The following BAZ2B variants were observed in gnomAD, a reference collection of about 807,000 sequenced individuals.
BAZ2B encodes the protein bromodomain adjacent to zinc finger domain protein 2B.
BAZ2B carries 91 observed loss-of-function variants against 246.0 expected under a neutral mutation model. The observed-to-expected ratio is 0.37, with a 90% CI of 0.31 to 0.44. BAZ2B has a LOEUF of 0.44. Among genes scored for constraint, BAZ2B ranks in the 20% least tolerant of loss-of-function variants. The pLI is 1.00. For synonymous variants in BAZ2B, 855 were observed against 860.0 expected, an observed-to-expected ratio of 0.99 and a Z score of 0.10; for missense variants, 2,332 against 2,533.7, an observed-to-expected ratio of 0.92 and a Z score of 1.71.
At chr2:159,666,062 C>T in the BAZ2B span, among the ~76,000 whole-genome samples, 12 of 151,236 alleles carry the variant, frequency 7.9e-5, no homozygotes, top group African/African-American at 2.2e-4. Context: ...AAATGGGTCA[C>T]GTTCTTCTTG....
At chr2:159,617,829 C>T (rs1012986679), upstream of BAZ2B, among the ~76,000 whole-genome samples, 2 of 151,946 alleles carry the variant, frequency 1.3e-5, no homozygotes, top group African/African-American at 4.8e-5. Context: ...GAATGTCAGC[C>T]TTACCTCGGT....
At chr2:159,351,239 C>A (rs2058529919) in intron 27 of BAZ2B, among the ~76,000 whole-genome samples, 1 of 152,038 alleles carries the variant, frequency 6.6e-6, no homozygotes, top group African/African-American at 2.4e-5. Flanking sequence ...ACATAATATT[C>A]TAAACTGCTA....
intron 1 of BAZ2B, among the ~76,000 whole-genome samples, chr2:159,610,647 C>T (rs1230758859): frequency 6.6e-6 from 1 of 151,096 alleles, no homozygotes; most frequent in African/African-American, 2.4e-5. Context: ...ATCTATGTTG[C>T]CATCATTATT....
rs1364434621 is a variant in BAZ2B, at chr2:159,616,328, C to CA, written c.-133dup. On this transcript the variant is annotated 5_prime_UTR_variant, in exon 1 of 37. Coordinates refer to ENST00000392783, the MANE Select transcript of BAZ2B (RefSeq NM_013450.4). ...AGGTTAAGATTTTTGGAAACCCCAC[C>CA]ACCTCCTTATTTCTATTATTATTTC... 5 of 152,302 alleles carry CA rather than the reference C, an allele frequency of 3.3e-5. No homozygotes were observed. The East Asian group carries it at 9.6e-4, about 29-fold the overall frequency. 9.4% of individuals were successfully genotyped at this position (152,302 alleles called of 1,614,324 possible).
At chr2:159,385,408 C>A (rs370475822) in intron 22 of BAZ2B, 39 bp from the exon 23 acceptor site, 25 of 1,511,568 alleles carry the variant, frequency 1.7e-5, no homozygotes, top group Admixed American at 8.6e-5. Context: ...TTACTCACAA[C>A]CATTTATACC....
At chr2:159,511,547 T>C (rs2082925866) in intron 2 of BAZ2B, among the ~76,000 whole-genome samples, 1 of 152,162 alleles carries the variant, frequency 6.6e-6, no homozygotes, top group African/African-American at 2.4e-5. Context: ...ACAGATTTAG[T>C]TCAGTATAAT....
downstream of BAZ2B, among the ~76,000 whole-genome samples, chr2:159,316,431 G>A (rs1034986389): frequency 2.0e-5 from 3 of 151,962 alleles, no homozygotes; most frequent in Non-Finnish European, 4.4e-5. Flanking sequence ...GGTGGCTCAC[G>A]CCTGTAATCC....
At chr2:159,455,763 G>C (rs4665070) in intron 3 of BAZ2B, among the ~76,000 whole-genome samples, 2 of 64,608 alleles carry the variant, frequency 3.1e-5, no homozygotes, top group African/African-American at 5.4e-5. Context: ...AAATATTGTG[G>C]TTTTTTTTTT....
At chr2:159,358,486 A>T (rs1445029604) in intron 27 of BAZ2B, among the ~76,000 whole-genome samples, 2 of 152,242 alleles carry the variant, frequency 1.3e-5, no homozygotes, top group Admixed American at 1.3e-4. Flanking sequence ...ACCTACAAAG[A>T]AACTTAGACT....
rs2062258143 is a variant in BAZ2B, at chr2:159,383,543, T to C, written c.3761+63A>G. 1.5e-5 allele frequency: 20 copies of C among 1,367,016 alleles called. No homozygotes were observed. The South Asian group carries it at 2.2e-4, about 15-fold the overall frequency. 84.7% of individuals were successfully genotyped at this position (1,367,016 alleles called of 1,614,324 possible). On this transcript the variant is annotated intron_variant, in intron 24 of 36. Coordinates refer to ENST00000392783, the MANE Select transcript of BAZ2B (RefSeq NM_013450.4). The stretch of plus-strand genomic sequence containing the variant: ...TTAAATTCTATCTTTGCAATTCATA[T>C]GCTTTACTGGGAATTTGTAGAAAAA...
the BAZ2B span, chr2:159,694,586 G>A: frequency 6.6e-6 from 1 of 152,140 alleles, no homozygotes; most frequent in Non-Finnish European, 1.5e-5. Flanking sequence ...ATAATACAAT[G>A]TGACCTTTTA....
intron 27 of BAZ2B, among the ~76,000 whole-genome samples, chr2:159,370,734 C>T (rs1159147279): frequency 3.3e-5 from 5 of 152,080 alleles, no homozygotes; most frequent in Non-Finnish European, 5.9e-5. Context: ...TATACTAAAA[C>T]TTTGACTTAA....
chr2:159,394,724 TACACAGAG>T (rs1436363211), intron 20 of BAZ2B, among the ~76,000 whole-genome samples: 3 of 152,146 alleles, frequency 2.0e-5, no homozygotes, highest in Non-Finnish European at 2.9e-5. Context: ...GAACTTTACA[TACACAGAG>T]ACACATATCC....
rs190515187 is a variant in BAZ2B at position 159,334,704 on chromosome 2, G to A, written c.5797-2018C>T. 2.5e-4 allele frequency among the ~76,000 whole-genome samples: 38 copies of A among 152,182 alleles called. No individual in the cohort carries two copies. The East Asian group carries it at 7.0e-3, about 28-fold the overall frequency. ...AAGAGTAGATGAAGAACAAGAGAAA[G>A]GTTAATGAATTTGCAAAAATGGAAA... On this transcript the variant is annotated intron_variant, in intron 33 of 36. Coordinates refer to ENST00000392783, the MANE Select transcript of BAZ2B (RefSeq NM_013450.4).
chr2:159,467,644 T>A (rs922226785), intron 3 of BAZ2B, among the ~76,000 whole-genome samples: 9 of 152,100 alleles, frequency 5.9e-5, no homozygotes, highest in South Asian at 2.1e-4. Flanking sequence ...TAGGAAAAAA[T>A]TTTTTTAAAT....
intron 9 of BAZ2B, 120 bp from the exon 10 acceptor site, chr2:159,431,276 T>C: frequency 7.3e-7 from 1 of 1,366,434 alleles, no homozygotes; most frequent in Non-Finnish European, 9.7e-7. Flanking sequence ...AAATGAGCAA[T>C]TTTCCTACAG....
At chr2:159,429,136 G>T in intron 11 of BAZ2B, 64 bp downstream of exon 11, 1 of 1,063,404 alleles carries the variant, frequency 9.4e-7, no homozygotes, top group Non-Finnish European at 1.3e-6. Context: ...GAGAAATCAA[G>T]TATACATCAA....
chr2:159,538,203 G>A (rs1375544510), intron 2 of BAZ2B, among the ~76,000 whole-genome samples: 1 of 152,102 alleles, frequency 6.6e-6, no homozygotes, highest in Non-Finnish European at 1.5e-5. Flanking sequence ...TCACCATGTT[G>A]CCCAGGCTGG....
At chr2:159,645,972 A>C in the BAZ2B span, among the ~76,000 whole-genome samples, 2 of 152,116 alleles carry the variant, frequency 1.3e-5, no homozygotes, top group South Asian at 2.1e-4. Context: ...TTGCTAATGA[A>C]GTTTCGGGCA....
Sources: gnomAD v4.1 joint callset for allele counts (sites outside exome capture counted in the v4.1 genomes callset) on GRCh38, gnomAD v4.1.1 for gene constraint, MANE v1.5 for transcripts, NCBI Gene and HGNC (gene_info 2026-07-23, HGNC 2026-07-21) for gene names.